The following CZIB variants were observed in gnomAD, a reference collection of about 807,000 sequenced individuals.
The protein encoded by CZIB is CXXC motif containing zinc binding protein.
CZIB carries 26 observed loss-of-function variants against 28.3 expected under a neutral mutation model. That is an observed-to-expected ratio of 0.92 (90% CI 0.67 to 1.27). The LOEUF (loss-of-function observed/expected upper bound fraction) is 1.27, where lower values mean the gene tolerates loss of function less well. Ranked by LOEUF, CZIB falls within the 50% of genes most tolerant of loss-of-function variation. The pLI is 0.00. For missense variants in CZIB, 179 were observed against 197.3 expected (o/e 0.91, Z 0.56); for synonymous variants, 78 against 71.1 (o/e 1.10, Z -0.49).
Position 53,218,935 on chromosome 1 carries a change from A to G in CZIB, c.91-12T>C. 1 of 1,612,766 alleles carries G rather than the reference A, an allele frequency of 6.2e-7. No individual in the cohort carries two copies. The highest frequency in any genetic ancestry group is 8.5e-7 in the Non-Finnish European group (1 of 1,178,794). On this transcript the variant is annotated splice_polypyrimidine_tract_variant and intron_variant, in intron 2 of 7. Coordinates refer to ENST00000294360, the MANE Select transcript of CZIB (RefSeq NM_017887.3). ...TTGCCACATTTCATCTTTGGGGAAA[A>G]AGAATGTTAGTAAAGCAGCTGGCTC...
intron 5 of CZIB, chr1:53,217,867 A>C (rs902472484): frequency 1.1e-5 from 4 of 370,474 alleles, no homozygotes; most frequent in African/African-American, 8.3e-5. Flanking sequence ...TTTCAGAGAA[A>C]GCTTGCTAGT....
Position 53,220,606 on chromosome 1 carries a change from G to A in CZIB, c.-31C>T, listed in dbSNP as rs752577605. ...CCCTCTCCGCCCGGTGCTGGCTGCG[G>A]CCCTTGCCGTTGCTTTCCGGCGCGT... On this transcript the variant is annotated 5_prime_UTR_variant, in exon 1 of 8. Transcript: ENST00000294360. 1.8e-5 allele frequency: 29 copies of A among 1,593,258 alleles called. No individual in the cohort carries two copies. The East Asian group carries it at 3.6e-4, about 20-fold the overall frequency.
At chr1:53,215,316 G>C (rs1645463413) in intron 7 of CZIB, among the ~76,000 whole-genome samples, 1 of 152,180 alleles carries the variant, frequency 6.6e-6, no homozygotes. Context: ...CTCCAGCCTG[G>C]GCGACAGAGT....
rs745682091 is a variant in CZIB at position 53,220,286 on chromosome 1, C to T, written c.65G>A (p.Gly22Asp). 1 of 1,613,596 alleles carries T rather than the reference C, an allele frequency of 6.2e-7. No homozygotes were observed. Among genetic ancestry groups the T allele is most frequent in the Non-Finnish European group, 8.5e-7 (1 of 1,179,892 alleles). Residue 22 changes from glycine (G) to aspartate (D), a missense_variant, in exon 2 of 8, where the codon GGC becomes GAC. Physicochemically the swap from Gly to Asp is moderately conservative, Grantham distance 94. Transcript: ENST00000294360. ...CTTCAGGTACCACCGGAAGTCCTCGCCCACGGGCCGGAGGTTGGTGATGTT... is the reference window on the plus strand; with the variant it reads ...CTTCAGGTACCACCGGAAGTCCTCGTCCACGGGCCGGAGGTTGGTGATGTT... ...LENITNLRPV[G>D]EDFRWYLKMK...
intron 1 of CZIB, 99 bp downstream of exon 1, chr1:53,220,471 G>T: frequency 6.3e-7 from 1 of 1,579,950 alleles, no homozygotes; most frequent in Non-Finnish European, 8.6e-7. Context: ...CTCCTTCAGC[G>T]CGCACCCACT....
intron 3 of CZIB, 108 bp from the exon 4 acceptor site, chr1:53,218,603 A>C (rs1189410143): frequency 8.7e-7 from 1 of 1,153,520 alleles, no homozygotes; most frequent in Non-Finnish European, 1.3e-6. Context: ...AGACCCAGAA[A>C]GGGTAACTTA....
chr1:53,217,852 C>A, intron 5 of CZIB: 1 of 345,692 alleles, frequency 2.9e-6, no homozygotes, highest in Non-Finnish European at 5.3e-6. Context: ...CTACCCCACC[C>A]ATGGTTTCAG....
chr1:53,214,536 A>G lies in CZIB; in HGVS notation c.*123T>C, dbSNP rs771912718. ...AGCTGTAATAAAGTCCAGCATGCAG[A>G]TTGTGAAGGTTTCGTATAGCCACCA... On this transcript the variant is annotated 3_prime_UTR_variant, in exon 8 of 8. Transcript: ENST00000294360. 2.5e-4 allele frequency: 190 copies of G among 750,114 alleles called. 1 individual carries two copies. Among genetic ancestry groups the G allele is most frequent in the Non-Finnish European group, 4.0e-4 (180 of 447,664 alleles). The allele number at this position is 750,114 out of a possible 1,614,324, so 46.5% of individuals were successfully genotyped here. A position where few individuals can be genotyped will look rare whatever the true frequency, so the allele number is the denominator to read the frequency against.
rs758425921 is a variant in CZIB, at chr1:53,214,723, TAGTC to T, written c.415_418del (p.Asp139MetfsTer19). 9.3e-5 allele frequency: 150 copies of T among 1,613,858 alleles called. 1 individual carries two copies. In the South Asian group the frequency reaches 1.3e-3, roughly 14 times the overall value. On this transcript the variant is annotated frameshift_variant, in exon 8 of 8. Transcript: ENST00000294360. LOFTEE classifies it high-confidence loss of function. ...CACAGACTCCTGGGCCTTTTCATCA[TAGTC>T]AGTCCAGTCCTGGGAAACAAAATGG... is the stretch of plus-strand genomic sequence containing the variant.
intron 5 of CZIB, chr1:53,217,465 T>A (rs192451274): frequency 6.5e-6 from 1 of 153,944 alleles, no homozygotes; most frequent in East Asian, 1.9e-4. Context: ...ACCTATGGGC[T>A]TAGGGACCAC....
intron 5 of CZIB, 118 bp downstream of exon 5, chr1:53,218,054 C>A: frequency 9.3e-7 from 1 of 1,073,282 alleles, no homozygotes; most frequent in South Asian, 1.5e-5. Flanking sequence ...GAACTAAGTT[C>A]ATGAGTGAAT....
chr1:53,215,724 T>C (rs1645467365), intron 7 of CZIB, among the ~76,000 whole-genome samples: 1 of 152,234 alleles, frequency 6.6e-6, no homozygotes, highest in African/African-American at 2.4e-5. Flanking sequence ...TGTTGATTCA[T>C]GAACTCACAG....
intron 7 of CZIB, among the ~76,000 whole-genome samples, chr1:53,215,782 T>C (rs1462288289): frequency 2.0e-5 from 3 of 152,208 alleles, no homozygotes; most frequent in East Asian, 3.8e-4. Context: ...CTAACACGTA[T>C]TCTCTCTGTA....
chr1:53,219,625 T>A (rs754583271), intron 2 of CZIB: 1 of 152,512 alleles, frequency 6.6e-6, no homozygotes, highest in Admixed American at 6.5e-5. Context: ...CGATTCCGCT[T>A]CTTCAAGCCA....
In CZIB at chr1:53,220,565, C is replaced by T. The variant is rs1345809332; in HGVS notation, c.6+5G>A. On this transcript the variant is annotated splice_donor_5th_base_variant and intron_variant, in intron 1 of 7. Transcript: ENST00000294360. ...GTGTCCCCGCGGCGGGCGGCCTCCC[C>T]TCACCCCCATGGTAGCCCTCTCCGC... is the stretch of plus-strand genomic sequence containing the variant. The T allele has an allele frequency of 2.2e-5, 35 of 1,599,010 alleles. No homozygotes were observed. Among genetic ancestry groups the T allele is most frequent in the Non-Finnish European group, 2.6e-5 (31 of 1,179,622 alleles).
intron 5 of CZIB, chr1:53,217,908 C>A: frequency 4.3e-6 from 2 of 470,224 alleles, no homozygotes; most frequent in Non-Finnish European, 7.6e-6. Flanking sequence ...CAAGTGCTCT[C>A]AGTGATGCAA....
Position 53,218,874 on chromosome 1 carries a change from CG to C in CZIB, c.139del (p.Arg47GlyfsTer2), listed in dbSNP as rs1281240885. On this transcript the variant is annotated frameshift_variant, in exon 3 of 8. Coordinates refer to ENST00000294360, the MANE Select transcript of CZIB (RefSeq NM_017887.3). LOFTEE classifies it high-confidence loss of function. Reference protein sequence around the residue: ...GEISDKWQYIRLMDSVALKGG... With the variant: ...GEISDKWQYIXLMDSVALKGG... ...TGGGCGGGGAACAGTTACCATCAGC[CG>C]GATGTACTGCCACTTGTCCGAAATC... The C allele has an allele frequency of 6.2e-7, 1 of 1,613,056 alleles. No homozygotes were observed. The highest frequency in any genetic ancestry group is 1.3e-5 in the African/African-American group (1 of 74,742).
chr1:53,218,536 A>G (rs1167515387), intron 3 of CZIB, 41 bp from the exon 4 acceptor site: 1 of 1,590,090 alleles, frequency 6.3e-7, no homozygotes, highest in East Asian at 2.2e-5. Flanking sequence ...CATATGAATT[A>G]GATGTACAGT....
chr1:53,219,140 C>T, intron 2 of CZIB: 1 of 575,082 alleles, frequency 1.7e-6, no homozygotes, highest in Non-Finnish European at 3.1e-6. Context: ...CCACCCTCCT[C>T]TATGAAGTGC....
Sources: allele counts gnomAD v4.1 joint callset (sites outside exome capture counted in the v4.1 genomes callset), GRCh38; gene constraint gnomAD v4.1.1; transcripts MANE v1.5; gene names NCBI Gene and HGNC (gene_info 2026-07-23, HGNC 2026-07-21).